Variants in NPAS3 observed in about 807,000 individuals in gnomAD.
The protein encoded by NPAS3 is neuronal PAS domain protein 3.
NPAS3 carries 14 observed loss-of-function variants against 73.1 expected under a neutral mutation model. That is an observed-to-expected ratio of 0.19 (90% CI 0.13 to 0.30). The LOEUF (loss-of-function observed/expected upper bound fraction) is 0.30. Among genes scored for constraint, NPAS3 ranks in the 10% least tolerant of loss-of-function variants. The pLI is 1.00. For synonymous variants in NPAS3, 620 were observed against 541.5 expected, an observed-to-expected ratio of 1.14 and a Z score of -2.01; for missense variants, 1,096 against 1,250.0, an observed-to-expected ratio of 0.88 and a Z score of 1.86.
intron 3 of NPAS3, among the ~76,000 whole-genome samples, chr14:33,267,537 A>C (rs577688588): frequency 3.3e-5 from 5 of 152,260 alleles, no homozygotes; most frequent in African/African-American, 1.2e-4. Context: ...TGAAATCTCA[A>C]CCATGAAATT....
chr14:33,540,964 T>G (rs2054483287), intron 4 of NPAS3, among the ~76,000 whole-genome samples: 3 of 152,160 alleles, frequency 2.0e-5, no homozygotes, highest in Admixed American at 2.0e-4. Flanking sequence ...TATTAATCTC[T>G]TGTTTAATGC....
intron 3 of NPAS3, among the ~76,000 whole-genome samples, chr14:33,277,527 G>A (rs1594580033): frequency 6.6e-6 from 1 of 152,100 alleles, no homozygotes; most frequent in South Asian, 2.1e-4. Flanking sequence ...AAAAATATAA[G>A]GGGCTAGGTA....
chr14:33,793,773 G>T, intron 9 of NPAS3, 124 bp from the exon 10 acceptor site: 1 of 784,570 alleles, frequency 1.3e-6, no homozygotes, highest in South Asian at 2.0e-5. Flanking sequence ...CATACAGAGG[G>T]TCACCCTGGC....
chr14:33,084,358 G>T (rs1200059151), intron 2 of NPAS3, among the ~76,000 whole-genome samples: 1 of 152,100 alleles, frequency 6.6e-6, no homozygotes, highest in Non-Finnish European at 1.5e-5. Context: ...AAAATTTCCT[G>T]GTTCCATGGG....
At chr14:33,133,302 T>G (rs1465877001) in intron 2 of NPAS3, among the ~76,000 whole-genome samples, 1 of 152,176 alleles carries the variant, frequency 6.6e-6, no homozygotes, top group Non-Finnish European at 1.5e-5. Flanking sequence ...TTAAGGCACA[T>G]CTGACAGTTA....
chr14:33,676,992 T>G (rs971791747), intron 6 of NPAS3, among the ~76,000 whole-genome samples: 1 of 152,198 alleles, frequency 6.6e-6, no homozygotes, highest in Non-Finnish European at 1.5e-5. Flanking sequence ...CCAGGACTCT[T>G]ATAGACTTTG....
At chr14:33,087,563 T>G (rs895600035) in intron 2 of NPAS3, among the ~76,000 whole-genome samples, 1 of 152,142 alleles carries the variant, frequency 6.6e-6, no homozygotes, top group East Asian at 1.9e-4. Context: ...TGGCTAAATG[T>G]TTTAAAGTAG....
rs183458648 is a variant in NPAS3 at position 33,384,386 on chromosome 14, T to C, written c.468+17118T>C. 4.9e-3 allele frequency among the ~76,000 whole-genome samples: 738 copies of C among 151,244 alleles called. 4 individuals are homozygous for C. The highest frequency in any genetic ancestry group is 0.017 in the African/African-American group (686 of 41,244). Reference sequence around the variant, plus strand: ...ACACAGTATTATTTTAATGTTTCTGTGTGTGTGTGTGTTTTTAATGTTTCT... The same window carrying C: ...ACACAGTATTATTTTAATGTTTCTGCGTGTGTGTGTGTTTTTAATGTTTCT... On this transcript the variant is annotated intron_variant, in intron 4 of 11. Coordinates refer to ENST00000356141, the Ensembl canonical transcript of NPAS3.
intron 1 of NPAS3, among the ~76,000 whole-genome samples, chr14:32,966,355 T>C (rs1355190468): frequency 6.6e-6 from 1 of 152,108 alleles, no homozygotes. Context: ...AACAGACACA[T>C]AGACCAATGA....
intron 3 of NPAS3, among the ~76,000 whole-genome samples, chr14:33,246,816 A>G (rs2048401742): frequency 7.1e-6 from 1 of 140,878 alleles, no homozygotes; most frequent in Non-Finnish European, 1.5e-5. Flanking sequence ...CAACATGGTG[A>G]AACCTCATCT....
At chr14:33,055,599 A>C (rs527972133) in intron 1 of NPAS3, among the ~76,000 whole-genome samples, 1 of 152,300 alleles carries the variant, frequency 6.6e-6, no homozygotes, top group East Asian at 1.9e-4. Context: ...TAATCATGGG[A>C]ATTGAAGAGT....
intron 1 of NPAS3, among the ~76,000 whole-genome samples, chr14:33,024,128 GTGTGTGTGTGTATA>G (rs1231189154): frequency 3.2e-4 from 44 of 139,032 alleles, no homozygotes; most frequent in African/African-American, 1.2e-3. Flanking sequence ...GTATATATAT[GTGTGTGTGTGTATA>G]TGTGTGTGTG....
At chr14:33,686,441 G>T (rs2060091172) in intron 6 of NPAS3, among the ~76,000 whole-genome samples, 1 of 152,092 alleles carries the variant, frequency 6.6e-6, no homozygotes, top group Admixed American at 6.6e-5. Context: ...AGTTTAGAAG[G>T]AACCTTCCTT....
chr14:33,103,631 T>C (rs944035507), intron 2 of NPAS3, among the ~76,000 whole-genome samples: 1 of 152,146 alleles, frequency 6.6e-6, no homozygotes, highest in Admixed American at 6.5e-5. Flanking sequence ...TTTCAACTTT[T>C]ATTTTGAGGT....
chr14:33,410,231 C>T (rs981230479), intron 4 of NPAS3, among the ~76,000 whole-genome samples: 1 of 152,056 alleles, frequency 6.6e-6, no homozygotes, highest in African/African-American at 2.4e-5. Context: ...GTTTTTCTGC[C>T]TACAGTTACA....
At chr14:33,364,558 G>A (rs907240649) in intron 3 of NPAS3, among the ~76,000 whole-genome samples, 2 of 152,086 alleles carry the variant, frequency 1.3e-5, no homozygotes, top group East Asian at 3.9e-4. Context: ...AAATGCCATC[G>A]AATAGAATAG....
intron 5 of NPAS3, among the ~76,000 whole-genome samples, chr14:33,577,220 C>T (rs2139853280): frequency 6.6e-6 from 1 of 152,250 alleles, no homozygotes; most frequent in Non-Finnish European, 1.5e-5. Context: ...AAGAAGGGCT[C>T]AGTTTTTCCC....
intron 5 of NPAS3, among the ~76,000 whole-genome samples, chr14:33,569,819 G>A (rs563795057): frequency 1.9e-4 from 29 of 152,202 alleles, no homozygotes; most frequent in Middle Eastern, 3.4e-3. Flanking sequence ...CTTAAAAAAC[G>A]TTTGTACTAA....
chr14:33,462,288 C>A (rs2050306961), intron 4 of NPAS3, among the ~76,000 whole-genome samples: 1 of 152,164 alleles, frequency 6.6e-6, no homozygotes, highest in Non-Finnish European at 1.5e-5. Context: ...GCTAATCCCC[C>A]CAGCACTATG....
Sources: allele counts gnomAD v4.1 joint callset (sites outside exome capture counted in the v4.1 genomes callset), GRCh38; gene constraint gnomAD v4.1.1; transcripts MANE v1.5; gene names NCBI Gene and HGNC (gene_info 2026-07-23, HGNC 2026-07-21).